CLEC2L: variants seen among roughly 807,000 people sequenced by gnomAD.
The protein encoded by CLEC2L is C-type lectin domain family 2 member L.
A neutral mutation model predicts 23.6 loss-of-function variants in CLEC2L; 14 were observed. That is an observed-to-expected ratio of 0.59 (90% confidence interval 0.39 to 0.93). The LOEUF is 0.93. Among genes scored for constraint, CLEC2L ranks in the 40% least tolerant of loss-of-function variants. The probability of loss-of-function intolerance (pLI) is 0.00; values close to 1 mark genes in which losing one functional copy is unlikely to be tolerated. For synonymous variants in CLEC2L, 114 were observed against 121.3 expected (o/e 0.94, Z 0.40); for missense variants, 264 against 282.4 (o/e 0.93, Z 0.47).
intron 4 of CLEC2L, among the ~76,000 whole-genome samples, chr7:139,542,768 T>A (rs963217044): frequency 6.6e-6 from 1 of 151,968 alleles, no homozygotes; most frequent in Admixed American, 6.6e-5. Flanking sequence ...TGATGCCAGG[T>A]CTGGTGTGTG....
intron 1 of CLEC2L, among the ~76,000 whole-genome samples, chr7:139,529,406 A>G (rs529286052): frequency 1.3e-5 from 2 of 152,360 alleles, no homozygotes; most frequent in Admixed American, 1.3e-4. Flanking sequence ...AAGTGATGTC[A>G]GATGTTATGC....
At chr7:139,543,243 G>A (rs1797763112) in intron 4 of CLEC2L, among the ~76,000 whole-genome samples, 1 of 152,120 alleles carries the variant, frequency 6.6e-6, no homozygotes, top group Admixed American at 6.5e-5. Context: ...TGGCCTCAGT[G>A]CCCCTTCCTT....
Position 139,540,357 on chromosome 7 carries a change from C to T in CLEC2L, c.302C>T (p.Pro101Leu), listed in dbSNP as rs760410705. The T allele has an allele frequency of 3.5e-5, 57 of 1,611,622 alleles. No homozygotes were observed. The highest frequency in any genetic ancestry group is 4.2e-5 in the Non-Finnish European group (50 of 1,179,226). Residue 101 changes from proline (P) to leucine (L), a missense_variant, in exon 3 of 5, where the codon CCG becomes CTG. Coordinates refer to ENST00000422142, the MANE Select transcript of CLEC2L (RefSeq NM_001080511.4). This position sits in a 1 kb window ranked among gnomAD's most constrained non-coding sequence, Gnocchi z 5.8. Reference sequence around the variant, plus strand: ...TGCATCAAGTGCGAAGCGCCCTGCCCGGAGGACTGGCTGCTCTACGGAAGG... The same window carrying T: ...TGCATCAAGTGCGAAGCGCCCTGCCTGGAGGACTGGCTGCTCTACGGAAGG... The part of the protein sequence containing the change: ...KGCIKCEAPC[P>L]EDWLLYGRKC...
At chr7:139,526,118 G>A (rs1210692039) in intron 1 of CLEC2L, among the ~76,000 whole-genome samples, 1 of 152,162 alleles carries the variant, frequency 6.6e-6, no homozygotes, top group Non-Finnish European at 1.5e-5. Context: ...TCCCACAGGA[G>A]TTTTAGAATC....
At chr7:139,542,197 C>A in intron 4 of CLEC2L, 76 bp downstream of exon 4, 2 of 966,384 alleles carry the variant, frequency 2.1e-6, no homozygotes, top group East Asian at 2.7e-5. Context: ...ACACAACTCC[C>A]GAAGAGAGAA....
intron 1 of CLEC2L, among the ~76,000 whole-genome samples, chr7:139,533,323 T>C (rs1364109323): frequency 1.3e-5 from 2 of 152,138 alleles, no homozygotes; most frequent in African/African-American, 4.8e-5. Flanking sequence ...GAGTTGACAG[T>C]GGTTGGCTTT....
At chr7:139,535,884 T>G (rs974731626) in intron 1 of CLEC2L, among the ~76,000 whole-genome samples, 6 of 152,208 alleles carry the variant, frequency 3.9e-5, no homozygotes, top group African/African-American at 1.4e-4. Context: ...CACTGAAGAT[T>G]TCATGAGCAG....
intron 4 of CLEC2L, among the ~76,000 whole-genome samples, chr7:139,542,325 G>A (rs1472694092): frequency 6.6e-6 from 1 of 152,206 alleles, no homozygotes; most frequent in Non-Finnish European, 1.5e-5. Flanking sequence ...GCCTGGCTTG[G>A]TGGCTCTGCC....
Position 139,524,110 on chromosome 7 carries a change from C to T in CLEC2L, c.183C>T (p.Ala61=). The change falls in exon 1 of 5, where the codon GCC becomes GCT. Residue 61 remains alanine, a synonymous_variant. Transcript: ENST00000422142. ...GYEGSTSWKA[A]LEDTTTRLLL... ...AGGGCAGCACCAGCTGGAAGGCGGC[C>T]TTGGAGGGTAAGCGCGGAGCGGCCT... 1 of 1,227,876 alleles carries T rather than the reference C, an allele frequency of 8.1e-7. No individual in the cohort carries two copies. Among genetic ancestry groups the T allele is most frequent in the Non-Finnish European group, 1.0e-6 (1 of 982,742 alleles). The allele number at this position is 1,227,876 out of a possible 1,614,324, so 76.1% of individuals were successfully genotyped here. A position where few individuals can be genotyped will look rare whatever the true frequency, so the allele number is the denominator to read the frequency against.
chr7:139,531,599 T>C (rs1375257396), intron 1 of CLEC2L, among the ~76,000 whole-genome samples: 1 of 152,024 alleles, frequency 6.6e-6, no homozygotes. Flanking sequence ...GAAGAAAACA[T>C]CAATAATATA....
At chr7:139,537,919 A>T (rs1797682097) in intron 2 of CLEC2L, among the ~76,000 whole-genome samples, 1 of 152,230 alleles carries the variant, frequency 6.6e-6, no homozygotes, top group Admixed American at 6.5e-5. Context: ...ATGAACAGGG[A>T]ATCTGATTAC....
chr7:139,532,549 G>C (rs1318235235), intron 1 of CLEC2L, among the ~76,000 whole-genome samples: 1 of 152,184 alleles, frequency 6.6e-6, no homozygotes, highest in Non-Finnish European at 1.5e-5. Flanking sequence ...CAAGATGGGT[G>C]TTATGGCCTG....
chr7:139,529,167 C>T (rs1253330731), intron 1 of CLEC2L, among the ~76,000 whole-genome samples: 2 of 152,232 alleles, frequency 1.3e-5, no homozygotes, highest in Non-Finnish European at 2.9e-5. Context: ...TGATGGTCAT[C>T]ATCACACTGA....
intron 1 of CLEC2L, among the ~76,000 whole-genome samples, chr7:139,524,457 G>T (rs1797477576): frequency 6.6e-6 from 1 of 152,246 alleles, no homozygotes; most frequent in Non-Finnish European, 1.5e-5. Context: ...GGCGTGTTGA[G>T]AGGGTGGCGG....
chr7:139,544,240 C>T lies in CLEC2L; in HGVS notation c.543C>T (p.Ile181=), dbSNP rs1797776229. Residue 181 remains isoleucine (I), a synonymous_variant, in exon 5 of 5, where the codon ATC becomes ATT. Transcript: ENST00000422142. ...TCTCTCCTGGCCACAGGTTCACCAT[C>T]GCAGGTCCAGGGGAGTGTGTCTTCG... ...GDPFDPDTFT[I]AGPGECVFVE... 2 of 1,612,416 alleles carry T rather than the reference C, an allele frequency of 1.2e-6. No homozygotes were observed. Among genetic ancestry groups the T allele is most frequent in the African/African-American group, 1.3e-5 (1 of 75,014 alleles).
intron 4 of CLEC2L, 38 bp from the exon 5 acceptor site, chr7:139,544,192 TC>T: frequency 6.6e-7 from 1 of 1,514,350 alleles, no homozygotes; most frequent in Non-Finnish European, 9.1e-7. Context: ...GGCTGAATGT[TC>T]CAGATCATAA....
chr7:139,534,165 A>G (rs1266608991), intron 1 of CLEC2L: 2 of 703,528 alleles, frequency 2.8e-6, no homozygotes, highest in Non-Finnish European at 5.2e-6. Flanking sequence ...CCAATGATGG[A>G]GTTAGTCTTT....
chr7:139,534,401 C>A, intron 1 of CLEC2L: 1 of 926,212 alleles, frequency 1.1e-6, no homozygotes, highest in Non-Finnish European at 1.8e-6. Flanking sequence ...AATATGACAT[C>A]AGTCAGTTGT....
intron 2 of CLEC2L, among the ~76,000 whole-genome samples, chr7:139,538,715 C>T (rs982627121): frequency 5.9e-5 from 9 of 152,300 alleles, no homozygotes; most frequent in African/African-American, 1.9e-4. Context: ...CGCCACTGCA[C>T]TCCAGGCTGG....
Sources: gnomAD v4.1 joint callset for allele counts (sites outside exome capture counted in the v4.1 genomes callset) on GRCh38, gnomAD v4.1.1 for gene constraint, Gnocchi (gnomAD v3.1) non-coding constraint, MANE v1.5 for transcripts, NCBI Gene and HGNC (gene_info 2026-07-23, HGNC 2026-07-21) for gene names.